PIGU: variants seen among roughly 807,000 people sequenced by gnomAD.
PIGU encodes the protein GPI-anchor transamidase component PIGU.
A neutral mutation model predicts 49.9 loss-of-function variants in PIGU; 24 were observed. That is an observed-to-expected ratio of 0.48 (90% CI 0.35 to 0.68). The LOEUF is 0.68. Among genes scored for constraint, PIGU ranks in the 30% least tolerant of loss-of-function variants. The probability of loss-of-function intolerance (pLI) is 0.01; values close to 1 mark genes in which losing one functional copy is unlikely to be tolerated. For synonymous variants in PIGU, 220 were observed against 205.7 expected (o/e 1.07, Z -0.59); for missense variants, 490 against 532.6 (o/e 0.92, Z 0.79).
intron 2 of PIGU, among the ~76,000 whole-genome samples, chr20:34,652,570 CT>C (rs1277304653): frequency 6.6e-6 from 1 of 152,152 alleles, no homozygotes; most frequent in Non-Finnish European, 1.5e-5. Context: ...GACTTGAGGT[CT>C]TCTTTTCTAA....
chr20:34,627,062 C>G (rs1178291103), intron 6 of PIGU, among the ~76,000 whole-genome samples: 1 of 152,074 alleles, frequency 6.6e-6, no homozygotes, highest in Non-Finnish European at 1.5e-5. Context: ...AGAGACCTAG[C>G]TAAAATAGAA....
chr20:34,609,794 A>T (rs1984747694), intron 7 of PIGU, among the ~76,000 whole-genome samples: 1 of 152,164 alleles, frequency 6.6e-6, no homozygotes, highest in Non-Finnish European at 1.5e-5. Context: ...CTCATCTTGA[A>T]TTGTTGTTCC....
chr20:34,632,756 G>T (rs530987389), intron 6 of PIGU, among the ~76,000 whole-genome samples: 1 of 152,180 alleles, frequency 6.6e-6, no homozygotes, highest in South Asian at 2.1e-4. Context: ...CAGGAGAGGA[G>T]GGATACAGAA....
intron 11 of PIGU, among the ~76,000 whole-genome samples, chr20:34,565,441 T>C (rs1435203120): frequency 6.6e-6 from 1 of 152,014 alleles, no homozygotes; most frequent in African/African-American, 2.4e-5. Context: ...TTTGTATTTT[T>C]AGTAGAGACG....
At chr20:34,610,841 C>T (rs142287693) in intron 7 of PIGU, among the ~76,000 whole-genome samples, 148 of 152,302 alleles carry the variant, frequency 9.7e-4, no homozygotes, top group Middle Eastern at 3.4e-3. Context: ...CAGCATGCTA[C>T]TGCTACCAAA....
chr20:34,579,367 G>C (rs1983367253), intron 10 of PIGU: 1 of 152,162 alleles, frequency 6.6e-6, no homozygotes, highest in Non-Finnish European at 1.5e-5. Flanking sequence ...CACTCAGGGA[G>C]GGGCCACGTT....
chr20:34,615,073 C>T (rs935280247), intron 7 of PIGU, among the ~76,000 whole-genome samples: 13 of 152,214 alleles, frequency 8.5e-5, no homozygotes, highest in Non-Finnish European at 1.0e-4. Flanking sequence ...CAATGTCATT[C>T]GCTGGTCCTG....
intron 1 of PIGU, among the ~76,000 whole-genome samples, chr20:34,657,453 T>TATTA (rs1199012677): frequency 6.6e-6 from 1 of 152,208 alleles, no homozygotes; most frequent in African/African-American, 2.4e-5. Flanking sequence ...CAGCACTCAT[T>TATTA]ATAAGACAGT....
intron 6 of PIGU, 108 bp downstream of exon 6, chr20:34,634,507 T>C: frequency 2.2e-6 from 3 of 1,382,782 alleles, no homozygotes; most frequent in Non-Finnish European, 2.8e-6. Context: ...TTAAAAATGT[T>C]TTTAAGTGTT....
At chr20:34,661,613 C>A (rs1277967138) in intron 1 of PIGU, among the ~76,000 whole-genome samples, 1 of 151,890 alleles carries the variant, frequency 6.6e-6, no homozygotes, top group East Asian at 1.9e-4. Context: ...ATCCAGTCCA[C>A]CACTGATGGG....
rs145256897 is a variant in PIGU at position 34,574,170 on chromosome 20, A to G, written c.1194+934T>C. Among the ~76,000 whole-genome samples, 255 of 152,370 alleles carry G rather than the reference A, an allele frequency of 1.7e-3. 1 individual carries two copies. The highest frequency in any genetic ancestry group is 5.7e-3 in the African/African-American group (236 of 41,590). Reference sequence around the variant, plus strand: ...CGAGGCCAGAGCCTGACCTGAGAGAAGGCAGCACGTGGAGGAGGGAACTTC... The same window carrying G: ...CGAGGCCAGAGCCTGACCTGAGAGAGGGCAGCACGTGGAGGAGGGAACTTC... On this transcript the variant is annotated intron_variant, in intron 11 of 11. Transcript: ENST00000217446.
chr20:34,592,670 C>G (rs181416390), intron 7 of PIGU, among the ~76,000 whole-genome samples: 18 of 152,168 alleles, frequency 1.2e-4, no homozygotes, highest in Non-Finnish European at 2.1e-4. Flanking sequence ...TGTAATACAT[C>G]CTGAACCCCA....
rs532322188 is a variant in PIGU, at chr20:34,583,026, T to C, written c.927-1354A>G. On this transcript the variant is annotated intron_variant, in intron 9 of 11. Transcript: ENST00000217446. ...CTAGATGCCTAGCCCATGAAGGTTT[T>C]CTTCAGAGATTAATGACCTTTTTGT... Among the ~76,000 whole-genome samples the C allele has an allele frequency of 9.3e-4, 141 of 152,350 alleles. 3 individuals carry two copies. The South Asian group carries it at 0.029, about 31-fold the overall frequency.
intron 2 of PIGU, among the ~76,000 whole-genome samples, chr20:34,653,350 T>G (rs935657135): frequency 6.6e-6 from 1 of 152,240 alleles, no homozygotes; most frequent in African/African-American, 2.4e-5. Flanking sequence ...AAAGGGATAT[T>G]GAAATCTCTG....
chr20:34,639,881 G>A (rs914631085), intron 4 of PIGU, among the ~76,000 whole-genome samples: 1 of 152,158 alleles, frequency 6.6e-6, no homozygotes. Flanking sequence ...TATAAACCAA[G>A]GTGCTTTTAT....
intron 7 of PIGU, among the ~76,000 whole-genome samples, chr20:34,595,524 G>A (rs553243606): frequency 1.6e-4 from 25 of 152,294 alleles, no homozygotes; most frequent in African/African-American, 6.0e-4. Context: ...AGGGAAGACT[G>A]TAATTACCTA....
intron 11 of PIGU, among the ~76,000 whole-genome samples, chr20:34,568,003 C>G (rs1459126935): frequency 2.6e-5 from 4 of 152,200 alleles, no homozygotes; most frequent in African/African-American, 9.6e-5. Flanking sequence ...CTTTTCCTTT[C>G]TCTCCACAGA....
intron 3 of PIGU, 66 bp downstream of exon 3, chr20:34,645,209 A>T: frequency 2.2e-6 from 3 of 1,349,004 alleles, no homozygotes; most frequent in Non-Finnish European, 2.9e-6. Flanking sequence ...AAAAAGAGAG[A>T]GAGAGACAAT....
rs1468622033 is a variant in PIGU at position 34,599,489 on chromosome 20, A to G, written c.628-10882T>C. On this transcript the variant is annotated intron_variant, in intron 7 of 11. Coordinates refer to ENST00000217446, the MANE Select transcript of PIGU (RefSeq NM_080476.5). ...ATCCAAGCTGTTTCTGACAGTCACT[A>G]TGCTAACTAGTAAAGGTGTTGATCA... Among the ~76,000 whole-genome samples, 16 of 152,114 alleles carry G rather than the reference A, an allele frequency of 1.1e-4. 1 individual carries two copies. In the South Asian group the frequency reaches 2.9e-3, roughly 28 times the overall value.
Sources: gnomAD v4.1 joint callset for allele counts (sites outside exome capture counted in the v4.1 genomes callset) on GRCh38, gnomAD v4.1.1 for gene constraint, MANE v1.5 for transcripts, NCBI Gene and HGNC (gene_info 2026-07-23, HGNC 2026-07-21) for gene names.